STXBP5L: variants seen among roughly 807,000 people sequenced by gnomAD.
The protein encoded by STXBP5L is syntaxin-binding protein 5-like.
STXBP5L carries 65 observed loss-of-function variants against 144.5 expected under a neutral mutation model. The observed-to-expected ratio is 0.45, with a 90% confidence interval of 0.37 to 0.55. STXBP5L has a LOEUF of 0.55. Ranked by LOEUF, STXBP5L falls within the 20% of genes least tolerant of loss-of-function variation. The pLI, the probability that STXBP5L is intolerant of heterozygous loss-of-function variation, is 0.00. For synonymous variants in STXBP5L, 505 were observed against 469.6 expected, an observed-to-expected ratio of 1.08 and a Z score of -0.97; for missense variants, 1,298 against 1,405.5, an observed-to-expected ratio of 0.92 and a Z score of 1.22.
chr3:121,051,168 C>A (rs1947955800), intron 5 of STXBP5L, among the ~76,000 whole-genome samples: 1 of 151,912 alleles, frequency 6.6e-6, no homozygotes, highest in African/African-American at 2.4e-5. Flanking sequence ...CAACATTAGA[C>A]AGATCAACGA....
At chr3:120,980,918 C>T (rs564439151) in intron 3 of STXBP5L, among the ~76,000 whole-genome samples, 5 of 152,006 alleles carry the variant, frequency 3.3e-5, no homozygotes, top group African/African-American at 1.2e-4. Context: ...TTCCCTTAGC[C>T]GTTTCTTGTC....
intron 9 of STXBP5L, among the ~76,000 whole-genome samples, chr3:121,159,587 C>T (rs1004148344): frequency 1.3e-5 from 2 of 151,590 alleles, no homozygotes; most frequent in Non-Finnish European, 2.9e-5. Flanking sequence ...GAGCCAATTA[C>T]CATAGCATTC....
At chr3:121,138,439 T>C (rs912701645) in intron 7 of STXBP5L, among the ~76,000 whole-genome samples, 1 of 152,018 alleles carries the variant, frequency 6.6e-6, no homozygotes, top group African/African-American at 2.4e-5. Context: ...TAAGAGACTC[T>C]AAATAACCAA....
At chr3:121,204,114 C>T (rs192321572) in intron 9 of STXBP5L, among the ~76,000 whole-genome samples, 27 of 152,220 alleles carry the variant, frequency 1.8e-4, no homozygotes, top group Admixed American at 6.5e-4. Flanking sequence ...TGGCACACAC[C>T]TGTAGTTCCA....
intron 3 of STXBP5L, among the ~76,000 whole-genome samples, chr3:120,976,500 T>C (rs1376173609): frequency 1.3e-5 from 2 of 152,218 alleles, no homozygotes; most frequent in Non-Finnish European, 2.9e-5. Flanking sequence ...AATCAGCTCC[T>C]GGGTTCATTA....
chr3:121,264,836 GTC>G (rs1559919074), intron 18 of STXBP5L, among the ~76,000 whole-genome samples: 1 of 147,422 alleles, frequency 6.8e-6, no homozygotes, highest in African/African-American at 2.5e-5. Context: ...TGCAATCTTA[GTC>G]TCTGATAAAA....
At chr3:121,400,878 T>C (rs2108730996) in intron 22 of STXBP5L, among the ~76,000 whole-genome samples, 1 of 152,294 alleles carries the variant, frequency 6.6e-6, no homozygotes, top group South Asian at 2.1e-4. Context: ...AATGTTCTTA[T>C]ATAGAATATT....
intron 5 of STXBP5L, among the ~76,000 whole-genome samples, chr3:121,075,295 C>G (rs1161011955): frequency 1.3e-5 from 2 of 152,074 alleles, no homozygotes; most frequent in African/African-American, 2.4e-5. Flanking sequence ...GGTCAGCCCC[C>G]TTGTTCTGGC....
At chr3:120,982,821 C>T (rs1941917115) in intron 3 of STXBP5L, among the ~76,000 whole-genome samples, 2 of 152,134 alleles carry the variant, frequency 1.3e-5, no homozygotes, top group South Asian at 4.1e-4. Context: ...AGGCAGTCCC[C>T]CAATTTCCAG....
chr3:120,993,551 T>C (rs1395996684), intron 3 of STXBP5L, among the ~76,000 whole-genome samples: 1 of 152,096 alleles, frequency 6.6e-6, no homozygotes, highest in Non-Finnish European at 1.5e-5. Flanking sequence ...CCCAACCCTG[T>C]TTATTGAGGA....
intron 7 of STXBP5L, among the ~76,000 whole-genome samples, chr3:121,145,357 ATTATCT>A (rs2045674491): frequency 9.2e-6 from 1 of 109,214 alleles, no homozygotes; most frequent in Non-Finnish European, 1.9e-5. Flanking sequence ...AGAACAAATG[ATTATCT>A]TTATGATGCT....
chr3:121,086,862 A>G (rs1489071597), intron 5 of STXBP5L, among the ~76,000 whole-genome samples: 1 of 152,060 alleles, frequency 6.6e-6, no homozygotes, highest in Admixed American at 6.6e-5. Context: ...CTTACACTCT[A>G]TATAAGAGCG....
At chr3:121,049,296 C>G (rs1175568224) in intron 5 of STXBP5L, among the ~76,000 whole-genome samples, 3 of 151,936 alleles carry the variant, frequency 2.0e-5, no homozygotes, top group Non-Finnish European at 4.4e-5. Flanking sequence ...CTGCCTTTCC[C>G]ACTGAGAGCT....
chr3:121,421,220 A>C lies in STXBP5L; in HGVS notation c.*2123A>C, dbSNP rs2047346438. 1 of 152,168 alleles carries C rather than the reference A, an allele frequency of 6.6e-6. No individual in the cohort carries two copies. The highest frequency in any genetic ancestry group is 2.1e-4 in the South Asian group (1 of 4,828). 9.4% of individuals were successfully genotyped at this position (152,168 alleles called of 1,614,324 possible). ...GTTTCTGTATTTTAAAAAAAACTAAAAGAGTAAAATATTAGTTTATTTTAG... is the reference window on the plus strand; with the variant it reads ...GTTTCTGTATTTTAAAAAAAACTAACAGAGTAAAATATTAGTTTATTTTAG... On this transcript the variant is annotated 3_prime_UTR_variant, in exon 27 of 27. Coordinates refer to ENST00000471454, the MANE Select transcript of STXBP5L (RefSeq NM_001308330.2).
intron 3 of STXBP5L, among the ~76,000 whole-genome samples, chr3:120,969,630 T>C (rs1940011307): frequency 6.6e-6 from 1 of 151,948 alleles, no homozygotes; most frequent in African/African-American, 2.4e-5. Flanking sequence ...GTCAATGTCT[T>C]GAGGAGTTTT....
chr3:121,260,714 A>T (rs2050356486), intron 18 of STXBP5L, among the ~76,000 whole-genome samples: 1 of 152,046 alleles, frequency 6.6e-6, no homozygotes, highest in Admixed American at 6.6e-5. Context: ...ACATTACCTT[A>T]TATATTTCAC....
intron 9 of STXBP5L, among the ~76,000 whole-genome samples, chr3:121,183,567 G>A (rs537883383): frequency 7.1e-5 from 10 of 141,136 alleles, no homozygotes; most frequent in Admixed American, 3.8e-4. Flanking sequence ...AAGACAAAGA[G>A]AGAAAGAAAA....
At chr3:121,038,502 T>C (rs913792133) in intron 3 of STXBP5L, among the ~76,000 whole-genome samples, 27 of 152,056 alleles carry the variant, frequency 1.8e-4, no homozygotes, top group African/African-American at 6.3e-4. Flanking sequence ...TTGATACTTG[T>C]TTTATAGTTC....
At chr3:121,314,274 A>AT (rs1467285200) in intron 19 of STXBP5L, among the ~76,000 whole-genome samples, 1 of 143,594 alleles carries the variant, frequency 7.0e-6, no homozygotes, top group African/African-American at 2.6e-5. Flanking sequence ...GCGAGCCGAG[A>AT]TCACGCCGCT....
Sources: allele counts gnomAD v4.1 joint callset (sites outside exome capture counted in the v4.1 genomes callset), GRCh38; gene constraint gnomAD v4.1.1; transcripts MANE v1.5; gene names NCBI Gene and HGNC (gene_info 2026-07-23, HGNC 2026-07-21).